SPAG16: variants seen among roughly 807,000 people sequenced by gnomAD.
SPAG16 encodes sperm associated antigen 16, also known as sperm-associated antigen 16 protein.
A neutral mutation model predicts 80.4 loss-of-function variants in SPAG16; 86 were observed. That is an observed-to-expected ratio of 1.07 (90% CI 0.90 to 1.28). The LOEUF is 1.28. Among genes scored for constraint, SPAG16 ranks in the 50% most tolerant of loss-of-function variants. The pLI, the probability that SPAG16 is intolerant of heterozygous loss-of-function variation, is 0.00. For missense variants in SPAG16, 870 were observed against 765.3 expected (o/e 1.14, Z -1.61); for synonymous variants, 294 against 265.9 (o/e 1.11, Z -1.03).
chr2:214,058,789 G>C (rs2050077010), intron 13 of SPAG16, among the ~76,000 whole-genome samples: 1 of 152,116 alleles, frequency 6.6e-6, no homozygotes, highest in African/African-American at 2.4e-5. Context: ...ATACTGTATT[G>C]AGAAAGGGAG....
intron 9 of SPAG16, chr2:213,422,221 TG>T (rs781088714): frequency 5.4e-5 from 38 of 701,566 alleles, no homozygotes; most frequent in Non-Finnish European, 2.3e-5. Flanking sequence ...ACACCCTCTT[TG>T]GGGCTGTGCA....
intron 10 of SPAG16, among the ~76,000 whole-genome samples, chr2:213,769,624 A>G (rs2069131183): frequency 6.6e-6 from 1 of 152,090 alleles, no homozygotes; most frequent in Non-Finnish European, 1.5e-5. Context: ...ATTCCTGCTG[A>G]TTTCCCCAGC....
chr2:214,203,003 G>T (rs1352273948), intron 15 of SPAG16, among the ~76,000 whole-genome samples: 4 of 152,136 alleles, frequency 2.6e-5, no homozygotes, highest in African/African-American at 9.7e-5. Flanking sequence ...AATCTCTCAC[G>T]AGGTGAAGTC....
chr2:214,151,919 T>C (rs2055992068), intron 15 of SPAG16, among the ~76,000 whole-genome samples: 1 of 152,190 alleles, frequency 6.6e-6, no homozygotes, highest in Non-Finnish European at 1.5e-5. Flanking sequence ...TTAGATACTT[T>C]AAGTGGCCAT....
At chr2:214,392,399 A>G (rs1034464557) in intron 15 of SPAG16, among the ~76,000 whole-genome samples, 3 of 151,558 alleles carry the variant, frequency 2.0e-5, no homozygotes, top group Non-Finnish European at 4.4e-5. Context: ...CAAGTGATCC[A>G]CCCGCCTCAG....
chr2:214,122,458 C>A (rs1207975608), intron 14 of SPAG16, among the ~76,000 whole-genome samples: 1 of 151,774 alleles, frequency 6.6e-6, no homozygotes, highest in African/African-American at 2.4e-5. Flanking sequence ...CAATTGCCTA[C>A]CTAAAAAAGT....
intron 10 of SPAG16, among the ~76,000 whole-genome samples, chr2:213,751,958 A>G (rs964915396): frequency 6.6e-6 from 1 of 152,206 alleles, no homozygotes; most frequent in African/African-American, 2.4e-5. Context: ...ACAATTCATA[A>G]CAAATTAAAT....
rs183287320 is a variant in SPAG16, at chr2:213,919,261, T to C, written c.1215-10699T>C. Among the ~76,000 whole-genome samples, 4 of 152,296 alleles carry C rather than the reference T, an allele frequency of 2.6e-5. No homozygotes were observed. In the East Asian group the frequency reaches 7.7e-4, roughly 29 times the overall value. Reference sequence around the variant, plus strand: ...GATTATTTGGATTCATTGATTTTTTTCAGTGGTTTTTTCATATCTCAATCT... The same window carrying C: ...GATTATTTGGATTCATTGATTTTTTCCAGTGGTTTTTTCATATCTCAATCT... On this transcript the variant is annotated intron_variant, in intron 11 of 15. Transcript: ENST00000331683.
chr2:213,844,093 T>A (rs1359267846), intron 10 of SPAG16, among the ~76,000 whole-genome samples: 5 of 152,204 alleles, frequency 3.3e-5, no homozygotes, highest in Admixed American at 6.5e-5. Flanking sequence ...CTCATTATTG[T>A]CCTCATGTCT....
At chr2:213,875,458 C>G (rs2076106110) in intron 11 of SPAG16, among the ~76,000 whole-genome samples, 2 of 152,088 alleles carry the variant, frequency 1.3e-5, no homozygotes, top group South Asian at 4.1e-4. Context: ...CATAGACTAT[C>G]AAATGAATGT....
At chr2:213,863,224 G>A (rs2075553746) in intron 11 of SPAG16, among the ~76,000 whole-genome samples, 1 of 152,116 alleles carries the variant, frequency 6.6e-6, no homozygotes, top group Non-Finnish European at 1.5e-5. Context: ...GTGGCCCATT[G>A]CTACTGCCAA....
At position 213,830,365 on chromosome 2, in the gene SPAG16, G is replaced by T. The variant is rs535321199; in HGVS notation, c.1071-32120G>T. 5.9e-5 allele frequency among the ~76,000 whole-genome samples: 9 copies of T among 152,310 alleles called. No homozygotes were observed. The South Asian group carries it at 1.0e-3, about 18-fold the overall frequency. ...TCACTCATTCACTACTGTGGGATGG[G>T]TGAGGGGTAGTGTTGGCAAATCAAG... On this transcript the variant is annotated intron_variant, in intron 10 of 15. Transcript: ENST00000331683.
intron 10 of SPAG16, among the ~76,000 whole-genome samples, chr2:213,837,513 C>G (rs1024160594): frequency 2.6e-5 from 4 of 152,206 alleles, no homozygotes; most frequent in African/African-American, 7.2e-5. Flanking sequence ...TGTATTCTTT[C>G]TTACAGCCCC....
intron 15 of SPAG16, among the ~76,000 whole-genome samples, chr2:214,348,665 A>G (rs1166370856): frequency 6.6e-6 from 1 of 152,126 alleles, no homozygotes; most frequent in Non-Finnish European, 1.5e-5. Context: ...GCCATCCCCA[A>G]CAAGGTGACA....
intron 12 of SPAG16, among the ~76,000 whole-genome samples, chr2:213,954,115 C>T (rs1336256066): frequency 6.6e-6 from 1 of 151,258 alleles, no homozygotes; most frequent in East Asian, 1.9e-4. Context: ...AAAAGAAGCT[C>T]CACTCTCATA....
intron 9 of SPAG16, among the ~76,000 whole-genome samples, chr2:213,404,792 T>C (rs1319453752): frequency 6.6e-6 from 1 of 152,258 alleles, no homozygotes; most frequent in Non-Finnish European, 1.5e-5. Flanking sequence ...TGTATTTTTC[T>C]AATGAGTAAT....
At chr2:213,625,832 C>T (rs548496767) in intron 10 of SPAG16, among the ~76,000 whole-genome samples, 12 of 152,018 alleles carry the variant, frequency 7.9e-5, no homozygotes, top group East Asian at 3.9e-4. Flanking sequence ...GAATTACAGG[C>T]GCCCACCACC....
chr2:213,788,683 G>A (rs1436030549), intron 10 of SPAG16, among the ~76,000 whole-genome samples: 1 of 151,730 alleles, frequency 6.6e-6, no homozygotes. Context: ...TGGGACCTTT[G>A]GTATAGGCTG....
intron 15 of SPAG16, among the ~76,000 whole-genome samples, chr2:214,365,428 G>A (rs1329054821): frequency 6.6e-6 from 1 of 152,066 alleles, no homozygotes. Context: ...ATCCTAATGT[G>A]ATCTAACAGT....
Sources: allele counts gnomAD v4.1 joint callset (sites outside exome capture counted in the v4.1 genomes callset), GRCh38; gene constraint gnomAD v4.1.1; transcripts MANE v1.5; gene names NCBI Gene and HGNC (gene_info 2026-07-23, HGNC 2026-07-21).